The following TOP6BL variants were observed in gnomAD, a reference collection of about 807,000 sequenced individuals.
TOP6BL encodes type 2 DNA topoisomerase 6 subunit B-like.
At chr11:66,788,540 CT>C in the TOP6BL span, among the ~76,000 whole-genome samples, 1 of 152,170 alleles carries the variant, frequency 6.6e-6, no homozygotes, top group Non-Finnish European at 1.5e-5. Flanking sequence ...ATACCACAGA[CT>C]AGATGGCTTA....
chr11:66,757,141 G>A, the TOP6BL span, among the ~76,000 whole-genome samples: 10 of 151,910 alleles, frequency 6.6e-5, no homozygotes, highest in Non-Finnish European at 1.0e-4. Flanking sequence ...TCAGGAGTTC[G>A]AGACCAGCCC....
chr11:66,819,854 G>C, the TOP6BL span, among the ~76,000 whole-genome samples: 4 of 146,810 alleles, frequency 2.7e-5, no homozygotes, highest in African/African-American at 1.0e-4. Context: ...AGTGAGCCGA[G>C]ATCACGCCAT....
At chr11:66,762,957 C>T in the TOP6BL span, among the ~76,000 whole-genome samples, 2 of 152,190 alleles carry the variant, frequency 1.3e-5, no homozygotes, top group Admixed American at 1.3e-4. Context: ...ATAATACCAG[C>T]ACTTCGGGAG....
chr11:66,843,121 C>G, the TOP6BL span: 100 of 1,602,524 alleles, frequency 6.2e-5, no homozygotes, highest in Non-Finnish European at 8.1e-5. Context: ...GTGCAGGCCA[C>G]GGGCCGCTGC....
At chr11:66,754,834 A>G in the TOP6BL span, among the ~76,000 whole-genome samples, 1 of 152,176 alleles carries the variant, frequency 6.6e-6, no homozygotes, top group Non-Finnish European at 1.5e-5. Flanking sequence ...ATTTTCAAGT[A>G]TCTTCTCCCC....
At chr11:66,783,147 CAT>C in the TOP6BL span, among the ~76,000 whole-genome samples, 5 of 152,304 alleles carry the variant, frequency 3.3e-5, no homozygotes, top group African/African-American at 9.6e-5. Context: ...GCCTGGGCAA[CAT>C]AGTGAGACCC....
chr11:66,834,402 G>A, the TOP6BL span, among the ~76,000 whole-genome samples: 4 of 152,160 alleles, frequency 2.6e-5, no homozygotes, highest in Non-Finnish European at 5.9e-5. Flanking sequence ...TGGCCATTTA[G>A]TGATAAATAA....
chr11:66,823,128 C>T, the TOP6BL span, among the ~76,000 whole-genome samples: 1 of 151,828 alleles, frequency 6.6e-6, no homozygotes, highest in South Asian at 2.1e-4. Flanking sequence ...AATCCTGTCT[C>T]TACTAAAAAT....
the TOP6BL span, among the ~76,000 whole-genome samples, chr11:66,813,434 CT>C: frequency 6.6e-6 from 1 of 152,036 alleles, no homozygotes; most frequent in African/African-American, 2.4e-5. Context: ...GTGGAAAAGG[CT>C]TAATATGTAA....
At chr11:66,765,928 GC>G in the TOP6BL span, among the ~76,000 whole-genome samples, 2 of 152,146 alleles carry the variant, frequency 1.3e-5, no homozygotes, top group Non-Finnish European at 1.5e-5. Context: ...CATTAATTAT[GC>G]CTTTTTTACT....
the TOP6BL span, among the ~76,000 whole-genome samples, chr11:66,772,385 T>C: frequency 3.5e-3 from 539 of 152,066 alleles, 4 homozygotes; most frequent in African/African-American, 0.012. Context: ...GCAGAAGGAG[T>C]GATTGAAACC....
At chr11:66,819,427 C>T in the TOP6BL span, among the ~76,000 whole-genome samples, 1 of 152,142 alleles carries the variant, frequency 6.6e-6, no homozygotes, top group Non-Finnish European at 1.5e-5. Context: ...CTAGATGATA[C>T]ATTAACATAG....
At chr11:66,818,033 C>G in the TOP6BL span, among the ~76,000 whole-genome samples, 3 of 152,058 alleles carry the variant, frequency 2.0e-5, no homozygotes, top group African/African-American at 7.2e-5. Flanking sequence ...CGTAAGCCTC[C>G]CTTTTGGTGC....
At chr11:66,784,521 T>A in the TOP6BL span, among the ~76,000 whole-genome samples, 3 of 152,270 alleles carry the variant, frequency 2.0e-5, no homozygotes, top group Non-Finnish European at 4.4e-5. Flanking sequence ...AGAAACCGTG[T>A]ACTCATTAGC....
At chr11:66,755,142 T>C in the TOP6BL span, among the ~76,000 whole-genome samples, 2 of 150,290 alleles carry the variant, frequency 1.3e-5, no homozygotes, top group Admixed American at 6.7e-5. Context: ...TTTTTTGATA[T>C]AGAGTCTCAC....
chr11:66,800,734 G>T, the TOP6BL span: 1 of 1,505,876 alleles, frequency 6.6e-7, no homozygotes, highest in South Asian at 1.2e-5. Context: ...TGATGCTATG[G>T]CTCTGCAATT....
chr11:66,836,700 A>ATTT, the TOP6BL span, among the ~76,000 whole-genome samples: 354 of 107,622 alleles, frequency 3.3e-3, 9 homozygotes, highest in East Asian at 0.015. Context: ...AGAAAATATG[A>ATTT]TTTTTTTTTT....
At chr11:66,761,739 C>T in the TOP6BL span, 1 of 782,030 alleles carries the variant, frequency 1.3e-6, no homozygotes, top group Non-Finnish European at 2.3e-6. Flanking sequence ...TCCAGGGAAT[C>T]TGTGTTGAGT....
the TOP6BL span, chr11:66,813,999 T>C: frequency 6.2e-7 from 1 of 1,613,436 alleles, no homozygotes; most frequent in African/African-American, 1.3e-5. Context: ...CCAATTTGGA[T>C]CTCAATTTGG....
Sources: allele counts gnomAD v4.1 joint callset (sites outside exome capture counted in the v4.1 genomes callset), GRCh38; gene constraint gnomAD v4.1.1; transcripts MANE v1.5; gene names NCBI Gene and HGNC (gene_info 2026-07-23, HGNC 2026-07-21).